FSTL5: variants seen among roughly 807,000 people sequenced by gnomAD.
FSTL5 encodes follistatin like 5.
A neutral mutation model predicts 89.1 loss-of-function variants in FSTL5; 62 were observed. That is an observed-to-expected ratio of 0.70 (90% CI 0.57 to 0.86). The LOEUF (loss-of-function observed/expected upper bound fraction) is 0.86. FSTL5 is among the 40% of genes least tolerant of loss of function. The pLI is 0.00. For missense variants in FSTL5, 1,057 were observed against 1,001.6 expected (o/e 1.06, Z -0.75); for synonymous variants, 383 against 346.2 (o/e 1.11, Z -1.18).
chr4:161,832,326 C>T (rs927170531), intron 4 of FSTL5, among the ~76,000 whole-genome samples: 1 of 151,976 alleles, frequency 6.6e-6, no homozygotes, highest in Non-Finnish European at 1.5e-5. Context: ...TGCAAGAAAT[C>T]GTGGAGTTCA....
At chr4:161,597,773 T>C (rs780782782) in intron 7 of FSTL5, among the ~76,000 whole-genome samples, 3 of 151,938 alleles carry the variant, frequency 2.0e-5, no homozygotes, top group Admixed American at 2.0e-4. Flanking sequence ...TGTTTATAGG[T>C]TATGAAAAGC....
chr4:161,921,197 G>T lies in FSTL5; in HGVS notation c.161-545C>A, dbSNP rs530774519. On this transcript the variant is annotated intron_variant, in intron 3 of 15. Transcript: ENST00000306100. ...CATACAAGGCAGAAAATGTTAAGAAGACAGGAGTGGAAAATAACTGTCTCT... is the reference window on the plus strand; with the variant it reads ...CATACAAGGCAGAAAATGTTAAGAATACAGGAGTGGAAAATAACTGTCTCT... Among the ~76,000 whole-genome samples, 3 of 152,274 alleles carry T rather than the reference G, an allele frequency of 2.0e-5. No individual in the cohort carries two copies. The East Asian group carries it at 5.8e-4, about 29-fold the overall frequency.
rs1737115462 is a variant in FSTL5 at position 161,671,551 on chromosome 4, T to A, written c.728-15057A>T. 2.6e-5 allele frequency among the ~76,000 whole-genome samples: 4 copies of A among 152,292 alleles called. No individual in the cohort carries two copies. The South Asian group carries it at 8.3e-4, about 32-fold the overall frequency. On this transcript the variant is annotated intron_variant, in intron 6 of 15. Coordinates refer to ENST00000306100, the MANE Select transcript of FSTL5 (RefSeq NM_020116.5). Reference sequence around the variant, plus strand: ...GCTGCTTTTACGTTCCTTAGACACATGTAAGTTTTAAAAATATGATCTGTT... The same window carrying A: ...GCTGCTTTTACGTTCCTTAGACACAAGTAAGTTTTAAAAATATGATCTGTT...
In FSTL5 at chr4:162,146,648, T is replaced by C. The variant is rs1157174798; in HGVS notation, c.-17+16967A>G. 4.7e-5 allele frequency among the ~76,000 whole-genome samples: 7 copies of C among 149,844 alleles called. No individual in the cohort carries two copies. The East Asian group carries it at 9.8e-4, about 21-fold the overall frequency. ...GCACACCTTATTCTGAGTTTCTGTG[T>C]TTTTTACCTAATGTCCCTTCCCTTC... On this transcript the variant is annotated intron_variant, in intron 1 of 15. Coordinates refer to ENST00000306100, the MANE Select transcript of FSTL5 (RefSeq NM_020116.5).
chr4:162,054,738 G>T (rs1738483010), intron 2 of FSTL5, among the ~76,000 whole-genome samples: 1 of 151,662 alleles, frequency 6.6e-6, no homozygotes, highest in Non-Finnish European at 1.5e-5. Context: ...TAAGCCATTT[G>T]CCAGCTTGAA....
intron 3 of FSTL5, among the ~76,000 whole-genome samples, chr4:162,008,927 T>C (rs184787861): frequency 1.0e-3 from 153 of 152,138 alleles, no homozygotes; most frequent in African/African-American, 3.3e-3. Context: ...ATTTAGCTTA[T>C]ATACAGATAC....
intron 3 of FSTL5, among the ~76,000 whole-genome samples, chr4:162,023,392 G>A (rs1052052003): frequency 2.6e-5 from 4 of 152,112 alleles, no homozygotes; most frequent in Admixed American, 6.6e-5. Flanking sequence ...AGATTGCACC[G>A]TCTGGTTTTT....
chr4:162,151,219 T>C (rs546295269), intron 1 of FSTL5, among the ~76,000 whole-genome samples: 1 of 152,174 alleles, frequency 6.6e-6, no homozygotes, highest in Non-Finnish European at 1.5e-5. Flanking sequence ...AAAAAGTTTT[T>C]AAATTAGCAG....
At chr4:161,588,981 G>A (rs989518644) in intron 7 of FSTL5, among the ~76,000 whole-genome samples, 2 of 150,510 alleles carry the variant, frequency 1.3e-5, no homozygotes, top group South Asian at 2.1e-4. Context: ...TCTGTGTAAA[G>A]AGCCCTATCC....
chr4:161,412,255 C>T (rs1731617591), intron 15 of FSTL5, among the ~76,000 whole-genome samples: 1 of 152,088 alleles, frequency 6.6e-6, no homozygotes, highest in Non-Finnish European at 1.5e-5. Flanking sequence ...TAAAAATGGA[C>T]TTACTACCCA....
At chr4:161,467,929 C>A (rs955225208) in intron 13 of FSTL5, among the ~76,000 whole-genome samples, 9 of 152,062 alleles carry the variant, frequency 5.9e-5, no homozygotes, top group Non-Finnish European at 8.8e-5. Flanking sequence ...CTACAGTCAA[C>A]AACATGCCTC....
At chr4:161,453,653 G>GGT (rs917767539) in intron 15 of FSTL5, among the ~76,000 whole-genome samples, 2 of 152,078 alleles carry the variant, frequency 1.3e-5, no homozygotes, top group African/African-American at 4.8e-5. Context: ...TGGAGCACAA[G>GGT]GTGTGACCTC....
chr4:161,873,695 T>C (rs1331472326), intron 4 of FSTL5, among the ~76,000 whole-genome samples: 3 of 150,990 alleles, frequency 2.0e-5, no homozygotes, highest in East Asian at 3.9e-4. Context: ...AGCACCTCAA[T>C]GCCTGCATTA....
intron 2 of FSTL5, among the ~76,000 whole-genome samples, chr4:162,050,395 C>T (rs1400406101): frequency 2.0e-5 from 3 of 150,742 alleles, no homozygotes; most frequent in Non-Finnish European, 3.0e-5. Flanking sequence ...ATTTATATGT[C>T]ATTTTATAAT....
intron 10 of FSTL5, among the ~76,000 whole-genome samples, chr4:161,517,055 A>C (rs2126510137): frequency 6.6e-6 from 1 of 152,082 alleles, no homozygotes; most frequent in South Asian, 2.1e-4. Context: ...TACCTGGCTA[A>C]TTTTTATATT....
chr4:161,959,110 A>G (rs1043521839), intron 3 of FSTL5, among the ~76,000 whole-genome samples: 1 of 152,154 alleles, frequency 6.6e-6, no homozygotes, highest in Non-Finnish European at 1.5e-5. Context: ...ATGTCTTAAC[A>G]TATGTTTTAA....
At chr4:161,953,476 C>A (rs1437206754) in intron 3 of FSTL5, among the ~76,000 whole-genome samples, 1 of 151,570 alleles carries the variant, frequency 6.6e-6, no homozygotes, top group East Asian at 1.9e-4. Context: ...ATATTTGTTT[C>A]ATGCATATAG....
intron 5 of FSTL5, among the ~76,000 whole-genome samples, chr4:161,761,746 G>C (rs897554563): frequency 6.6e-6 from 1 of 152,174 alleles, no homozygotes; most frequent in African/African-American, 2.4e-5. Context: ...GTGACCTTGA[G>C]AAGCCAGTCC....
intron 3 of FSTL5, among the ~76,000 whole-genome samples, chr4:162,002,001 T>G (rs990538906): frequency 4.6e-5 from 7 of 152,146 alleles, no homozygotes; most frequent in African/African-American, 1.4e-4. Context: ...TTATTTTTTT[T>G]AAGTATCATT....
Sources: gnomAD v4.1 joint callset for allele counts (sites outside exome capture counted in the v4.1 genomes callset) on GRCh38, gnomAD v4.1.1 for gene constraint, MANE v1.5 for transcripts, NCBI Gene and HGNC (gene_info 2026-07-23, HGNC 2026-07-21) for gene names.